The following NIM1K variants were observed in gnomAD, a reference collection of about 807,000 sequenced individuals.
NIM1K encodes the protein NIM1 serine/threonine protein kinase.
In NIM1K, 35 loss-of-function variants were observed where a neutral mutation model predicts 37.1. That is an observed-to-expected ratio of 0.94 (90% CI 0.72 to 1.25). The LOEUF is 1.25. Ranked by LOEUF, NIM1K falls within the 50% of genes most tolerant of loss-of-function variation. NIM1K has a pLI of 0.00. For missense variants in NIM1K, 564 were observed against 548.0 expected (o/e 1.03, Z -0.29); for synonymous variants, 234 against 206.6 (o/e 1.13, Z -1.14).
intron 2 of NIM1K, among the ~76,000 whole-genome samples, chr5:43,269,244 A>G (rs890120138): frequency 7.8e-6 from 1 of 127,474 alleles, no homozygotes; most frequent in East Asian, 2.8e-4. Flanking sequence ...CGGGAGGCAG[A>G]GGTTGCAGTG....
intron 1 of NIM1K, among the ~76,000 whole-genome samples, chr5:43,213,230 T>C (rs1160794429): frequency 7.1e-6 from 1 of 141,828 alleles, no homozygotes; most frequent in Non-Finnish European, 1.5e-5. Flanking sequence ...TCTTTCCTTC[T>C]TTTCTTCCTT....
intron 1 of NIM1K, among the ~76,000 whole-genome samples, chr5:43,195,226 A>T (rs1751894935): frequency 6.6e-6 from 1 of 152,272 alleles, no homozygotes; most frequent in Non-Finnish European, 1.5e-5. Context: ...TTATGAAGAT[A>T]ATAGTCTACA....
chr5:43,249,956 C>T (rs75472192), intron 2 of NIM1K, among the ~76,000 whole-genome samples: 2 of 150,236 alleles, frequency 1.3e-5, no homozygotes, highest in African/African-American at 2.5e-5. Flanking sequence ...GGGTTCATGC[C>T]GTTCTCCTGC....
At chr5:43,212,091 CTT>C (rs1752212378) in intron 1 of NIM1K, among the ~76,000 whole-genome samples, 1 of 152,110 alleles carries the variant, frequency 6.6e-6, no homozygotes, top group Non-Finnish European at 1.5e-5. Context: ...TTCCGCCTCT[CTT>C]GGATGCGCCT....
chr5:43,196,508 G>A (rs1250217396), intron 1 of NIM1K, among the ~76,000 whole-genome samples: 1 of 151,628 alleles, frequency 6.6e-6, no homozygotes, highest in African/African-American at 2.4e-5. Flanking sequence ...GGTGGTGGGC[G>A]CCTGTAGTCC....
At chr5:43,211,523 C>A (rs945348688) in intron 1 of NIM1K, among the ~76,000 whole-genome samples, 1 of 152,154 alleles carries the variant, frequency 6.6e-6, no homozygotes, top group Non-Finnish European at 1.5e-5. Context: ...TGAGACCTTG[C>A]GGTTTCTTCA....
chr5:43,248,253 G>A (rs1228160856), intron 2 of NIM1K, among the ~76,000 whole-genome samples: 5 of 152,208 alleles, frequency 3.3e-5, no homozygotes, highest in South Asian at 4.1e-4. Flanking sequence ...CTAACAGTAG[G>A]GGAAGTAGGG....
intron 2 of NIM1K, among the ~76,000 whole-genome samples, chr5:43,262,601 C>G (rs930385590): frequency 6.6e-6 from 1 of 152,072 alleles, no homozygotes; most frequent in African/African-American, 2.4e-5. Context: ...GCCTTTATTT[C>G]TTTCTCCTGC....
chr5:43,267,740 C>T (rs865933236), intron 2 of NIM1K, among the ~76,000 whole-genome samples: 2 of 152,086 alleles, frequency 1.3e-5, no homozygotes, highest in Non-Finnish European at 2.9e-5. Flanking sequence ...TTTTTAATTT[C>T]CATGTATTTG....
At chr5:43,278,617 C>A (rs2111570954) in intron 3 of NIM1K, among the ~76,000 whole-genome samples, 1 of 152,318 alleles carries the variant, frequency 6.6e-6, no homozygotes, top group South Asian at 2.1e-4. Context: ...AGTTGAGAGG[C>A]TATTTCCAAT....
chr5:43,280,726 A>G lies in NIM1K; in HGVS notation c.1308A>G (p.Leu436=). ...IRHTSKFCSI[L] Reference sequence around the variant, plus strand: ...ACACATCCAAATTTTGCTCGATTTTATAAATTGCACTAGACTGCTTGTAAC... The same window carrying G: ...ACACATCCAAATTTTGCTCGATTTTGTAAATTGCACTAGACTGCTTGTAAC... Residue 436 remains leucine, a synonymous_variant, in exon 4 of 4, where the codon TTA becomes TTG. Transcript: ENST00000326035. 1 of 1,593,510 alleles carries G rather than the reference A, an allele frequency of 6.3e-7. No homozygotes were observed. The highest frequency in any genetic ancestry group is 8.5e-7 in the Non-Finnish European group (1 of 1,173,676).
At position 43,195,794 on chromosome 5, in the gene NIM1K, G is replaced by A. The variant is rs184985212; in HGVS notation, c.-695+3383G>A. Among the ~76,000 whole-genome samples, 21 of 152,200 alleles carry A rather than the reference G, an allele frequency of 1.4e-4. No individual in the cohort carries two copies. In the South Asian group the frequency reaches 2.7e-3, roughly 20 times the overall value. On this transcript the variant is annotated intron_variant, in intron 1 of 3. Transcript: ENST00000326035. ...AAGAGAAATTCAGGGCATGGATAGC[G>A]GGAAGAATTTAAGATTAGAGAGCAA...
intron 1 of NIM1K, among the ~76,000 whole-genome samples, chr5:43,205,018 C>CA (rs1236130451): frequency 6.6e-6 from 1 of 151,734 alleles, no homozygotes; most frequent in African/African-American, 2.4e-5. Flanking sequence ...ACAACAACAA[C>CA]AAAAAAACAA....
intron 2 of NIM1K, among the ~76,000 whole-genome samples, chr5:43,257,480 G>C (rs1350318482): frequency 6.9e-6 from 1 of 145,822 alleles, no homozygotes; most frequent in African/African-American, 2.5e-5. Flanking sequence ...CAATTCTCCT[G>C]CCTCAGCCTC....
chr5:43,265,092 G>T (rs1327447531), intron 2 of NIM1K, among the ~76,000 whole-genome samples: 4 of 152,146 alleles, frequency 2.6e-5, no homozygotes, highest in African/African-American at 4.8e-5. Flanking sequence ...TGACAATTGT[G>T]TCTTGGAATT....
intron 2 of NIM1K, among the ~76,000 whole-genome samples, chr5:43,275,945 G>A (rs1049728123): frequency 6.8e-6 from 1 of 147,036 alleles, no homozygotes; most frequent in Non-Finnish European, 1.5e-5. Flanking sequence ...TTCTTACCTA[G>A]GCTGGAGAGC....
chr5:43,235,471 A>G (rs953947386), intron 1 of NIM1K, among the ~76,000 whole-genome samples: 6 of 152,228 alleles, frequency 3.9e-5, no homozygotes, highest in Admixed American at 6.5e-5. Flanking sequence ...TCCAGACCCC[A>G]CAGATGGGTA....
intron 1 of NIM1K, among the ~76,000 whole-genome samples, chr5:43,237,975 C>G (rs1396393596): frequency 6.6e-6 from 1 of 151,760 alleles, no homozygotes; most frequent in Non-Finnish European, 1.5e-5. Context: ...ATTGATTACC[C>G]AGTTTTCGTG....
At chr5:43,272,377 C>G (rs1384008600) in intron 2 of NIM1K, among the ~76,000 whole-genome samples, 3 of 152,044 alleles carry the variant, frequency 2.0e-5, no homozygotes, top group African/African-American at 7.3e-5. Context: ...GCACTTTTCC[C>G]CCTAAGCCCA....
Sources: allele counts gnomAD v4.1 joint callset (sites outside exome capture counted in the v4.1 genomes callset), GRCh38; gene constraint gnomAD v4.1.1; transcripts MANE v1.5; gene names NCBI Gene and HGNC (gene_info 2026-07-23, HGNC 2026-07-21).